Variants in SERPIND1 observed in about 807,000 individuals in gnomAD.
SERPIND1 encodes the protein heparin cofactor 2.
SERPIND1 carries 34 observed loss-of-function variants against 35.0 expected under a neutral mutation model. The ratio of observed to expected loss-of-function variants is 0.97; its 90% CI spans 0.74 to 1.29. The LOEUF is 1.29. Ranked by LOEUF, SERPIND1 falls within the 50% of genes most tolerant of loss-of-function variation. SERPIND1 has a pLI of 0.00. For missense variants in SERPIND1, 633 were observed against 637.7 expected (o/e 0.99, Z 0.08); for synonymous variants, 236 against 241.1 (o/e 0.98, Z 0.19).
chr22:20,774,505 G>A (rs1454925864), intron 1 of SERPIND1, among the ~76,000 whole-genome samples: 4 of 152,242 alleles, frequency 2.6e-5, no homozygotes, highest in Non-Finnish European at 4.4e-5. Context: ...GCTCACGCCT[G>A]TAATCCCAAC....
Position 20,786,968 on chromosome 22 carries a change from C to A in SERPIND1, c.1402C>A (p.Arg468Ser), listed in dbSNP as rs769774770. The A allele has an allele frequency of 6.2e-7, 1 of 1,614,188 alleles. No individual in the cohort carries two copies. The highest frequency in any genetic ancestry group is 8.5e-7 in the Non-Finnish European group (1 of 1,180,040). ...GTTCATGCCGCTGTCCACCCAAGTC[C>A]GCTTCACTGTCGACCGCCCCTTTCT... The part of the protein sequence containing the change: ...VGFMPLSTQV[R>S]FTVDRPFLFL... Residue 468 changes from arginine to serine, a missense_variant, in exon 5 of 5, where the codon CGC (arginine) becomes AGC (serine). Arg to Ser is a moderately radical substitution (Grantham distance 110). Transcript: ENST00000215727.
At position 20,784,195 on chromosome 22, in the gene SERPIND1, G is replaced by A. The variant is rs148086470; in HGVS notation, c.1113G>A (p.Ala371=). ...HKMSGMKTLE[A]QLTPRVVERW... is the part of the protein sequence containing the mutation. ...TGTCTGGGATGAAGACCCTCGAAGC[G>A]CAACTGACACCCCGGGTGGTGGAGA... Residue 371 remains alanine (A), a synonymous_variant, in exon 3 of 5, where the codon GCG becomes GCA. Transcript: ENST00000215727. 36 of 1,614,158 alleles carry A rather than the reference G, an allele frequency of 2.2e-5. No individual in the cohort carries two copies. The highest frequency in any genetic ancestry group is 6.6e-5 in the South Asian group (6 of 91,076).
At position 20,787,659 on chromosome 22, in the gene SERPIND1, G is replaced by C. The variant is rs1407192970; in HGVS notation, c.*593G>C. The C allele has an allele frequency of 6.0e-6, 1 of 165,318 alleles. No individual in the cohort carries two copies. The highest frequency in any genetic ancestry group is 2.4e-5 in the African/African-American group (1 of 41,644). 10.2% of individuals were successfully genotyped at this position (165,318 alleles called of 1,614,324 possible). On this transcript the variant is annotated 3_prime_UTR_variant, in exon 5 of 5. Coordinates refer to ENST00000215727, the MANE Select transcript of SERPIND1 (RefSeq NM_000185.4). ...CCTGCTGTTGCCTCCCTGTGACCTG[G>C]AGGACAGTGTGTGCCATGTCTCCCA...
chr22:20,778,260 G>A (rs1002304670), intron 1 of SERPIND1, among the ~76,000 whole-genome samples: 2 of 152,072 alleles, frequency 1.3e-5, no homozygotes, highest in Non-Finnish European at 2.9e-5. Flanking sequence ...CAGCACTTTG[G>A]GGGGCTGAGG....
At chr22:20,776,158 C>G (rs754764822) in intron 1 of SERPIND1, among the ~76,000 whole-genome samples, 13 of 151,990 alleles carry the variant, frequency 8.6e-5, no homozygotes, top group Non-Finnish European at 1.5e-4. Flanking sequence ...CCCATCTTTA[C>G]CAAAAACACA....
chr22:20,785,943 CAT>C, intron 3 of SERPIND1, 59 bp from the exon 4 acceptor site: 1 of 1,611,330 alleles, frequency 6.2e-7, no homozygotes, highest in Non-Finnish European at 8.5e-7. Context: ...AAGGGAAAAT[CAT>C]GATTCTTTTG....
chr22:20,775,194 G>GA (rs797021350), intron 1 of SERPIND1, among the ~76,000 whole-genome samples: 182 of 138,782 alleles, frequency 1.3e-3, no homozygotes, highest in Admixed American at 2.6e-3. Context: ...AAGTTCCCAG[G>GA]AAAAAAAAAA....
At chr22:20,786,401 G>C (rs1262345972) in intron 4 of SERPIND1, among the ~76,000 whole-genome samples, 1 of 152,202 alleles carries the variant, frequency 6.6e-6, no homozygotes, top group Non-Finnish European at 1.5e-5. Context: ...CACTCCCGCT[G>C]ACACCAGAGA....
intron 3 of SERPIND1, among the ~76,000 whole-genome samples, 179 bp downstream of exon 3, chr22:20,784,424 G>A (rs1247694340): frequency 6.6e-6 from 1 of 152,124 alleles, no homozygotes; most frequent in Non-Finnish European, 1.5e-5. Flanking sequence ...GAGATGATTA[G>A]AGAGCATTCA....
intron 1 of SERPIND1, among the ~76,000 whole-genome samples, chr22:20,775,587 TG>T (rs762729789): frequency 6.6e-6 from 1 of 152,234 alleles, no homozygotes; most frequent in Non-Finnish European, 1.5e-5. Context: ...AGTTGGTTTT[TG>T]TTTTGTTCTT....
At position 20,779,927 on chromosome 22, in the gene SERPIND1, G is replaced by T; in HGVS notation, c.615G>T (p.Leu205=). The part of the protein sequence containing the change: ...ITTIHNLFRK[L]THRLFRRNFG... ...CCATTCATAATCTCTTCCGTAAGCT[G>T]ACTCATCGCCTCTTCAGGAGGAATT... The change falls in exon 2 of 5, where the codon CTG becomes CTT. Residue 205 remains leucine (L), a synonymous_variant. Transcript: ENST00000215727. 1.9e-6 allele frequency: 3 copies of T among 1,614,190 alleles called. No individual in the cohort carries two copies. The highest frequency in any genetic ancestry group is 2.5e-6 in the Non-Finnish European group (3 of 1,180,032).
intron 4 of SERPIND1, 65 bp downstream of exon 4, chr22:20,786,213 A>C: frequency 6.3e-7 from 1 of 1,576,844 alleles, no homozygotes. Flanking sequence ...CCCCACCTCC[A>C]CTTGCCCTTC....
intron 3 of SERPIND1, 78 bp downstream of exon 3, chr22:20,784,323 T>G: frequency 6.3e-7 from 1 of 1,593,276 alleles, no homozygotes; most frequent in Non-Finnish European, 8.6e-7. Context: ...ATGGATCATT[T>G]TTTTAAAAAG....
At chr22:20,785,659 A>C (rs1055311759) in intron 3 of SERPIND1, among the ~76,000 whole-genome samples, 19 of 152,306 alleles carry the variant, frequency 1.2e-4, no homozygotes, top group African/African-American at 2.6e-4. Context: ...CAAAAAAAAA[A>C]CCAAATGCCT....
At chr22:20,778,852 G>A (rs970852333) in intron 1 of SERPIND1, among the ~76,000 whole-genome samples, 1 of 152,164 alleles carries the variant, frequency 6.6e-6, no homozygotes, top group African/African-American at 2.4e-5. Flanking sequence ...ATGTGCTCTG[G>A]CAGCATTATT....
rs1365168309 is a variant in SERPIND1, at chr22:20,783,449, A to AG, written c.890-523_890-522insG. Among the ~76,000 whole-genome samples the AG allele has an allele frequency of 1.6e-3, 247 of 151,676 alleles. 2 individuals carry two copies. The highest frequency in any genetic ancestry group is 5.8e-3 in the African/African-American group (240 of 41,368). ...CCATCTACAATTAAAAAAAAAAAAA[A>AG]AAAGACAGAAAGAAAAAATAGCCAG... On this transcript the variant is annotated intron_variant, in intron 2 of 4. Coordinates refer to ENST00000215727, the MANE Select transcript of SERPIND1 (RefSeq NM_000185.4).
chr22:20,781,884 T>C (rs1165798259), intron 2 of SERPIND1, among the ~76,000 whole-genome samples: 2 of 152,166 alleles, frequency 1.3e-5, no homozygotes, highest in Non-Finnish European at 2.9e-5. Context: ...CTTATCTTTA[T>C]CACAGAGATG....
At chr22:20,775,934 C>T (rs1378673417) in intron 1 of SERPIND1, among the ~76,000 whole-genome samples, 5 of 152,142 alleles carry the variant, frequency 3.3e-5, no homozygotes, top group Non-Finnish European at 7.3e-5. Context: ...ACACAGTCTC[C>T]TGATATGTAA....
At position 20,785,961 on chromosome 22, in the gene SERPIND1, T is replaced by C. The variant is rs150649622; in HGVS notation, c.1164-43T>C. The C allele has an allele frequency of 1.1e-5, 18 of 1,613,852 alleles. No homozygotes were observed. In the East Asian group the frequency reaches 4.0e-4, roughly 36 times the overall value. On this transcript the variant is annotated intron_variant, in intron 3 of 4. Transcript: ENST00000215727. ...GGAAAATCATGATTCTTTTGTAACT[T>C]GTGGTTCAATAAAACTGGGCCCCCC...
Sources: gnomAD v4.1 joint callset for allele counts (sites outside exome capture counted in the v4.1 genomes callset) on GRCh38, gnomAD v4.1.1 for gene constraint, MANE v1.5 for transcripts, NCBI Gene and HGNC (gene_info 2026-07-23, HGNC 2026-07-21) for gene names.